AK5: variants seen among roughly 807,000 people sequenced by gnomAD.
AK5 encodes adenylate kinase 5, also known as adenylate kinase isoenzyme 5.
A neutral mutation model predicts 69.5 loss-of-function variants in AK5; 27 were observed. The observed-to-expected ratio is 0.39, with a 90% CI of 0.29 to 0.54. The LOEUF (loss-of-function observed/expected upper bound fraction) is 0.54. Ranked by LOEUF, AK5 falls within the 20% of genes least tolerant of loss-of-function variation. AK5 has a pLI of 0.71. For synonymous variants in AK5, 260 were observed against 244.4 expected (o/e 1.06, Z -0.60); for missense variants, 531 against 700.4 (o/e 0.76, Z 2.73).
At chr1:77,347,963 C>T (rs1338193537) in intron 6 of AK5, among the ~76,000 whole-genome samples, 1 of 152,166 alleles carries the variant, frequency 6.6e-6, no homozygotes, top group Non-Finnish European at 1.5e-5. Flanking sequence ...GAAACTGCTG[C>T]TGATTATATG....
chr1:77,340,693 T>G, intron 6 of AK5, 125 bp downstream of exon 6: 1 of 633,840 alleles, frequency 1.6e-6, no homozygotes, highest in Non-Finnish European at 2.4e-6. Context: ...ACAGAACCAA[T>G]GGAAAAAAAT....
At chr1:77,319,666 T>C (rs1660421986) in intron 5 of AK5, among the ~76,000 whole-genome samples, 1 of 152,220 alleles carries the variant, frequency 6.6e-6, no homozygotes, top group South Asian at 2.1e-4. Context: ...ATTTCCTTAA[T>C]GTCTTTAATA....
At chr1:77,470,848 TATATATATATATATATA>T (rs1176947385) in intron 8 of AK5, among the ~76,000 whole-genome samples, 1,100 of 12,830 alleles carry the variant, frequency 0.086, 114 homozygotes, top group South Asian at 0.16. Flanking sequence ...TATATATATA[TATATATATATATATATA>T]TATATATATA....
chr1:77,365,689 T>A (rs1646938094), intron 6 of AK5, among the ~76,000 whole-genome samples: 1 of 152,156 alleles, frequency 6.6e-6, no homozygotes, highest in Non-Finnish European at 1.5e-5. Flanking sequence ...GCACTGCTGA[T>A]CTGACAGGAG....
chr1:77,474,598 T>C (rs1654727020), intron 8 of AK5, among the ~76,000 whole-genome samples: 1 of 152,090 alleles, frequency 6.6e-6, no homozygotes, highest in South Asian at 2.1e-4. Context: ...TAGGGTACAG[T>C]GTGACCAATG....
chr1:77,421,759 G>A (rs531110471), intron 8 of AK5, among the ~76,000 whole-genome samples: 4 of 152,168 alleles, frequency 2.6e-5, no homozygotes, highest in Non-Finnish European at 4.4e-5. Context: ...CTTACTTCTC[G>A]CTTCACTCAT....
At chr1:77,512,257 CAGAG>C (rs141879271) in intron 10 of AK5, among the ~76,000 whole-genome samples, 35 of 151,074 alleles carry the variant, frequency 2.3e-4, no homozygotes, top group African/African-American at 6.8e-4. Flanking sequence ...GAGAGAGAGA[CAGAG>C]AGAGAGAGAG....
At chr1:77,382,024 G>A (rs1388315854) in intron 6 of AK5, among the ~76,000 whole-genome samples, 1 of 152,110 alleles carries the variant, frequency 6.6e-6, no homozygotes, top group Non-Finnish European at 1.5e-5. Flanking sequence ...GGTCAAAGGT[G>A]GTTGCTGCAT....
At chr1:77,417,071 C>A (rs1650477353) in intron 7 of AK5, among the ~76,000 whole-genome samples, 1 of 152,076 alleles carries the variant, frequency 6.6e-6, no homozygotes, top group Non-Finnish European at 1.5e-5. Context: ...ATTAAGTTAA[C>A]CCGATTTTTC....
chr1:77,368,274 T>TTATATATGTTATATATATGTTATATATAA (rs1647050794), intron 6 of AK5, among the ~76,000 whole-genome samples: 1 of 58,360 alleles, frequency 1.7e-5, no homozygotes, highest in Non-Finnish European at 3.9e-5. Context: ...TATATATATG[T>TTATATATGTTATATATATGTTATATATAA]TATATATGTT....
Position 77,480,865 on chromosome 1 carries a change from T to A in AK5, c.1060-2452T>A, listed in dbSNP as rs534177118. ...TGAGCAGTAATTGATATTTTTCCCC[T>A]AGAAGCAGAGCCTGAGACAAGAATT... On this transcript the variant is annotated intron_variant, in intron 8 of 13. Coordinates refer to ENST00000354567, the MANE Select transcript of AK5 (RefSeq NM_174858.3). Among the ~76,000 whole-genome samples the A allele has an allele frequency of 5.3e-5, 8 of 152,346 alleles. No homozygotes were observed. In the South Asian group the frequency reaches 1.7e-3, roughly 32 times the overall value.
rs1184358136 is a variant in AK5, at chr1:77,334,841, A to G, written c.700-5536A>G. ...GTGGGGTTTGGTGTGGTTACTTTCT[A>G]GAGCCTCTTCCCCTGGGTGGGCCCC... On this transcript the variant is annotated intron_variant, in intron 5 of 13. Coordinates refer to ENST00000354567, the MANE Select transcript of AK5 (RefSeq NM_174858.3). Among the ~76,000 whole-genome samples the G allele has an allele frequency of 2.0e-5, 3 of 152,132 alleles. No homozygotes were observed. The East Asian group carries it at 5.8e-4, about 29-fold the overall frequency.
intron 13 of AK5, among the ~76,000 whole-genome samples, chr1:77,552,276 C>T (rs1186769999): frequency 3.3e-5 from 5 of 152,140 alleles, no homozygotes; most frequent in Admixed American, 1.3e-4. Context: ...CACTTGCCCA[C>T]GCTGTATTCA....
At chr1:77,497,625 T>G (rs1656422262) in intron 10 of AK5, among the ~76,000 whole-genome samples, 1 of 152,216 alleles carries the variant, frequency 6.6e-6, no homozygotes. Context: ...TCAGCCTTTC[T>G]CACCCAGGCT....
intron 6 of AK5, among the ~76,000 whole-genome samples, chr1:77,368,112 A>G (rs1647032967): frequency 7.4e-6 from 1 of 135,916 alleles, no homozygotes; most frequent in Non-Finnish European, 1.6e-5. Flanking sequence ...TAAGGTATAT[A>G]TAAGTTAAAA....
At chr1:77,525,989 T>C (rs886885226) in intron 12 of AK5, among the ~76,000 whole-genome samples, 1 of 152,134 alleles carries the variant, frequency 6.6e-6, no homozygotes, top group Non-Finnish European at 1.5e-5. Flanking sequence ...AAAAAAAAAT[T>C]AGGATTTTGA....
chr1:77,497,116 C>T (rs996422510), intron 10 of AK5, among the ~76,000 whole-genome samples: 3 of 152,230 alleles, frequency 2.0e-5, no homozygotes, highest in Non-Finnish European at 4.4e-5. Context: ...AGCTGTAACA[C>T]TCACTGGTGG....
intron 8 of AK5, among the ~76,000 whole-genome samples, chr1:77,425,177 T>C (rs1450752350): frequency 6.6e-6 from 1 of 152,188 alleles, no homozygotes; most frequent in African/African-American, 2.4e-5. Flanking sequence ...GACAAAATTA[T>C]CCTTCAAAAA....
At chr1:77,554,684 T>C (rs1292009321) in intron 13 of AK5, among the ~76,000 whole-genome samples, 2 of 151,920 alleles carry the variant, frequency 1.3e-5, no homozygotes, top group African/African-American at 2.4e-5. Flanking sequence ...CAGCTCACTG[T>C]CAGCTCCACC....
Sources: gnomAD v4.1 joint callset for allele counts (sites outside exome capture counted in the v4.1 genomes callset) on GRCh38, gnomAD v4.1.1 for gene constraint, MANE v1.5 for transcripts, NCBI Gene and HGNC (gene_info 2026-07-23, HGNC 2026-07-21) for gene names.